Variants in SLC12A8 observed in about 807,000 individuals in gnomAD.
The protein encoded by SLC12A8 is cation-chloride cotransporter 9.
Under a neutral mutation model 75.6 loss-of-function variants are expected in SLC12A8, and 69 were observed. That is an observed-to-expected ratio of 0.91 (90% CI 0.75 to 1.11). The LOEUF (loss-of-function observed/expected upper bound fraction) is 1.11. Among genes scored for constraint, SLC12A8 ranks in the 50% most tolerant of loss-of-function variants. SLC12A8 has a pLI of 0.00. For missense variants in SLC12A8, 877 were observed against 896.7 expected, an observed-to-expected ratio of 0.98 and a Z score of 0.28; for synonymous variants, 365 against 372.8, an observed-to-expected ratio of 0.98 and a Z score of 0.24.
At position 125,194,812 on chromosome 3, in the gene SLC12A8, A is replaced by G. The variant is rs549099606; in HGVS notation, c.52-4291T>C. ...CCTGGATTACATACACATGCGAACC[A>G]GCAGATGGCTTTCTGAAAGTTAATA... On this transcript the variant is annotated intron_variant, in intron 2 of 13. Coordinates refer to ENST00000469902, the MANE Select transcript of SLC12A8 (RefSeq NM_024628.6). Among the ~76,000 whole-genome samples the G allele has an allele frequency of 2.6e-5, 4 of 152,402 alleles. No individual in the cohort carries two copies. In the South Asian group the frequency reaches 8.3e-4, roughly 32 times the overall value.
At chr3:125,107,422 T>A in intron 10 of SLC12A8, 59 bp downstream of exon 10, 1 of 1,440,588 alleles carries the variant, frequency 6.9e-7, no homozygotes, top group Non-Finnish European at 9.5e-7. Context: ...ACTGGGTAGG[T>A]AGGATAATCA....
chr3:125,182,199 C>T (rs778223765), intron 4 of SLC12A8, among the ~76,000 whole-genome samples: 7 of 151,970 alleles, frequency 4.6e-5, no homozygotes, highest in Non-Finnish European at 7.4e-5. Flanking sequence ...TAGTGGTGCA[C>T]GCCTGTAGTC....
chr3:125,178,954 A>T (rs1242166885), intron 4 of SLC12A8, among the ~76,000 whole-genome samples: 1 of 152,202 alleles, frequency 6.6e-6, no homozygotes, highest in Non-Finnish European at 1.5e-5. Flanking sequence ...GAGAATCATG[A>T]TTTTATCTTT....
Position 125,118,791 on chromosome 3 carries a change from T to G in SLC12A8, c.890A>C (p.Tyr297Ser). 6.2e-7 allele frequency: 1 copy of G among 1,613,734 alleles called. No homozygotes were observed. Among genetic ancestry groups the G allele is most frequent in the East Asian group, 2.2e-5 (1 of 44,876 alleles). Residue 297 changes from tyrosine (Y) to serine (S), a missense_variant, in exon 8 of 14, where the codon TAT (tyrosine) becomes TCT (serine). Physicochemically the swap from Tyr to Ser is moderately radical, Grantham distance 144. Coordinates refer to ENST00000469902, the MANE Select transcript of SLC12A8 (RefSeq NM_024628.6). ...CACCTTTTCCGCTATCAGGAAGTCATAGCGAAGGGCCTCTCGAGTGCAGAT... is the reference window on the plus strand; with the variant it reads ...CACCTTTTCCGCTATCAGGAAGTCAGAGCGAAGGGCCTCTCGAGTGCAGAT... The part of the protein sequence containing the change: ...GAICTREALR[Y>S]DFLIAEKVSL...
chr3:125,158,820 AT>A (rs1553792256), intron 5 of SLC12A8, among the ~76,000 whole-genome samples: 1 of 152,214 alleles, frequency 6.6e-6, no homozygotes, highest in Non-Finnish European at 1.5e-5. Flanking sequence ...AGTCTCAAAT[AT>A]TTATGATGAC....
intron 8 of SLC12A8, among the ~76,000 whole-genome samples, chr3:125,115,417 G>C (rs575115535): frequency 3.3e-5 from 5 of 152,106 alleles, no homozygotes; most frequent in Non-Finnish European, 7.3e-5. Flanking sequence ...CAGCTACTTG[G>C]GGGGCTGAAG....
chr3:125,123,765 C>T (rs995367035), intron 6 of SLC12A8, among the ~76,000 whole-genome samples: 1 of 152,188 alleles, frequency 6.6e-6, no homozygotes, highest in Non-Finnish European at 1.5e-5. Context: ...GGAATTGTTA[C>T]AATTCAAGGT....
chr3:125,212,678 C>G (rs1345448478), intron 1 of SLC12A8, 22 bp downstream of exon 1: 1 of 152,658 alleles, frequency 6.6e-6, no homozygotes, highest in South Asian at 2.1e-4. Flanking sequence ...CTCTCCACCC[C>G]CCACAGCCCT....
At chr3:125,130,245 T>C (rs895483857) in intron 6 of SLC12A8, among the ~76,000 whole-genome samples, 7 of 152,222 alleles carry the variant, frequency 4.6e-5, no homozygotes, top group African/African-American at 1.7e-4. Flanking sequence ...ACTCCATCTC[T>C]GAGCCAGAAT....
intron 6 of SLC12A8, chr3:125,120,968 G>A (rs540979256): frequency 3.0e-6 from 2 of 668,164 alleles, no homozygotes; most frequent in Non-Finnish European, 5.3e-6. Context: ...AACCAGGGGG[G>A]AGGAAAGCGG....
intron 5 of SLC12A8, among the ~76,000 whole-genome samples, chr3:125,152,861 G>T (rs1933961350): frequency 6.6e-6 from 1 of 152,152 alleles, no homozygotes; most frequent in Non-Finnish European, 1.5e-5. Context: ...TTTCATGAGG[G>T]CAGGGACCAT....
intron 5 of SLC12A8, among the ~76,000 whole-genome samples, chr3:125,173,124 A>G (rs1011429919): frequency 4.6e-5 from 7 of 152,312 alleles, no homozygotes; most frequent in South Asian, 2.1e-4. Flanking sequence ...GGTTGTAGTG[A>G]GCCAAGATTG....
At chr3:125,208,519 C>T (rs1379990151) in intron 2 of SLC12A8, among the ~76,000 whole-genome samples, 1 of 152,128 alleles carries the variant, frequency 6.6e-6, no homozygotes, top group Admixed American at 6.5e-5. Flanking sequence ...AATATTTACA[C>T]AAATTATCTC....
intron 3 of SLC12A8, among the ~76,000 whole-genome samples, chr3:125,187,638 C>T (rs1279979418): frequency 1.3e-5 from 2 of 152,142 alleles, no homozygotes; most frequent in Non-Finnish European, 2.9e-5. Flanking sequence ...AGCGTCCTGG[C>T]TGCAAATTCT....
chr3:125,156,054 C>T (rs966836703), intron 5 of SLC12A8, among the ~76,000 whole-genome samples: 1 of 152,150 alleles, frequency 6.6e-6, no homozygotes, highest in Non-Finnish European at 1.5e-5. Context: ...AGAGATAATC[C>T]AGGCCCCGGG....
At chr3:125,114,339 A>G (rs898308882) in intron 8 of SLC12A8, among the ~76,000 whole-genome samples, 2 of 152,172 alleles carry the variant, frequency 1.3e-5, no homozygotes, top group Non-Finnish European at 2.9e-5. Flanking sequence ...TTGTGTCATG[A>G]GCTTCCAAGG....
At chr3:125,114,358 G>T (rs1291129888) in intron 8 of SLC12A8, among the ~76,000 whole-genome samples, 1 of 152,142 alleles carries the variant, frequency 6.6e-6, no homozygotes, top group Non-Finnish European at 1.5e-5. Flanking sequence ...GGTCCCTCTT[G>T]AATATGTGAA....
intron 4 of SLC12A8, among the ~76,000 whole-genome samples, chr3:125,179,733 A>AGAGAGAGAGAGAGAGAGAGAGAG (rs1560077720): frequency 8.1e-5 from 11 of 134,982 alleles, no homozygotes; most frequent in African/African-American, 3.0e-4. Flanking sequence ...GAGAGAGAGA[A>AGAGAGAGAGAGAGAGAGAGAGAG]AGAGAAAGAC....
chr3:125,125,991 GT>G, intron 6 of SLC12A8: 1 of 928,494 alleles, frequency 1.1e-6, no homozygotes, highest in Non-Finnish European at 1.3e-6. Context: ...GCATTTCTGG[GT>G]TTTAAACGCC....
Sources: allele counts gnomAD v4.1 joint callset (sites outside exome capture counted in the v4.1 genomes callset), GRCh38; gene constraint gnomAD v4.1.1; transcripts MANE v1.5; gene names NCBI Gene and HGNC (gene_info 2026-07-23, HGNC 2026-07-21).